The following ANXA8 variants were observed in gnomAD, a reference collection of about 807,000 sequenced individuals.
ANXA8 encodes annexin A8.
In ANXA8, 9 loss-of-function variants were observed where a neutral mutation model predicts 26.8. The ratio of observed to expected loss-of-function variants is 0.34; its 90% confidence interval spans 0.20 to 0.59. ANXA8 has a LOEUF of 0.59. Ranked by LOEUF, ANXA8 falls within the 20% of genes least tolerant of loss-of-function variation. The pLI is 0.84. For missense variants in ANXA8, 83 were observed against 238.5 expected, an observed-to-expected ratio of 0.35 and a Z score of 4.29; for synonymous variants, 39 against 94.8, an observed-to-expected ratio of 0.41 and a Z score of 3.42.
the ANXA8 span, among the ~76,000 whole-genome samples, chr10:47,660,967 T>C: frequency 3.3e-5 from 5 of 151,744 alleles, no homozygotes; most frequent in African/African-American, 9.7e-5. Flanking sequence ...CTCTCCTGTA[T>C]TAAAATTTAA....
the ANXA8 span, among the ~76,000 whole-genome samples, chr10:47,982,027 A>G: frequency 6.7e-6 from 1 of 150,304 alleles, no homozygotes; most frequent in African/African-American, 2.4e-5. Flanking sequence ...AGTGGCTCAC[A>G]CCTGTAATGC....
intron 1 of ANXA8, among the ~76,000 whole-genome samples, chr10:47,483,560 A>C (rs1839924208): frequency 7.2e-6 from 1 of 138,072 alleles, no homozygotes; most frequent in African/African-American, 2.9e-5. Context: ...ACGTGTGTGC[A>C]CCCCATACAC....
the ANXA8 span, among the ~76,000 whole-genome samples, chr10:47,605,825 T>C: frequency 3.5e-5 from 5 of 144,164 alleles, no homozygotes; most frequent in East Asian, 2.0e-4. Context: ...ATAAACATAG[T>C]AGAAATTTAA....
At chr10:47,655,758 T>C in the ANXA8 span, among the ~76,000 whole-genome samples, 1 of 151,964 alleles carries the variant, frequency 6.6e-6, no homozygotes, top group African/African-American at 2.4e-5. Context: ...AGGTGGCTCA[T>C]GCCTGTAATC....
the ANXA8 span, among the ~76,000 whole-genome samples, chr10:47,492,622 G>A: frequency 1.4e-5 from 2 of 141,802 alleles, no homozygotes; most frequent in African/African-American, 2.7e-5. Flanking sequence ...TGGGCATAGC[G>A]TGCCTTCTTG....
At chr10:47,896,079 C>T in the ANXA8 span, among the ~76,000 whole-genome samples, 1 of 150,382 alleles carries the variant, frequency 6.6e-6, no homozygotes, top group Non-Finnish European at 1.5e-5. Context: ...GAATATGAGA[C>T]AAAATACTAC....
the ANXA8 span, among the ~76,000 whole-genome samples, chr10:47,951,562 C>T: frequency 1.3e-4 from 20 of 150,624 alleles, no homozygotes; most frequent in Non-Finnish European, 2.8e-4. Context: ...GTAATCCCAG[C>T]ACTTTGAGAG....
chr10:47,554,751 C>T, the ANXA8 span, among the ~76,000 whole-genome samples: 1 of 152,028 alleles, frequency 6.6e-6, no homozygotes, highest in African/African-American at 2.4e-5. Flanking sequence ...CCAGCAGCCC[C>T]CAGGTATTCA....
the ANXA8 span, among the ~76,000 whole-genome samples, chr10:47,683,310 G>T: frequency 1.4e-5 from 2 of 142,528 alleles, no homozygotes; most frequent in Non-Finnish European, 3.0e-5. Flanking sequence ...CTCACTGCAA[G>T]CTCCGCCTCC....
chr10:47,980,964 T>C, the ANXA8 span, among the ~76,000 whole-genome samples: 44 of 151,344 alleles, frequency 2.9e-4, no homozygotes, highest in African/African-American at 1.0e-3. Context: ...ACTCATTCTA[T>C]GATGTCATTA....
At chr10:47,766,921 G>T in the ANXA8 span, among the ~76,000 whole-genome samples, 1 of 152,006 alleles carries the variant, frequency 6.6e-6, no homozygotes, top group East Asian at 1.9e-4. Context: ...TCATGGCCAA[G>T]CGGAAGTTGT....
the ANXA8 span, among the ~76,000 whole-genome samples, chr10:47,945,002 C>A: frequency 6.7e-6 from 1 of 150,228 alleles, no homozygotes; most frequent in African/African-American, 2.5e-5. Flanking sequence ...TCTGCAGTTT[C>A]CTCTGCCTGG....
At chr10:47,555,521 C>G in the ANXA8 span, among the ~76,000 whole-genome samples, 3 of 151,978 alleles carry the variant, frequency 2.0e-5, no homozygotes, top group African/African-American at 7.3e-5. Context: ...TGTGGCTTCT[C>G]TTTCCTAATC....
the ANXA8 span, among the ~76,000 whole-genome samples, chr10:47,603,587 C>T: frequency 3.4e-5 from 5 of 147,722 alleles, no homozygotes; most frequent in East Asian, 9.7e-4. Context: ...TCTCAGCTCA[C>T]TACAACCTCC....
the ANXA8 span, among the ~76,000 whole-genome samples, chr10:47,714,008 T>C: frequency 4.1e-5 from 1 of 24,478 alleles, no homozygotes; most frequent in African/African-American, 1.8e-4. Context: ...CAATGGCATA[T>C]TATGTAATAT....
chr10:47,660,081 T>C, the ANXA8 span, among the ~76,000 whole-genome samples: 2 of 147,324 alleles, frequency 1.4e-5, no homozygotes, highest in African/African-American at 5.2e-5. Context: ...AATGTAATAG[T>C]GTTGTGACCT....
At chr10:47,925,458 CGAT>C in the ANXA8 span, among the ~76,000 whole-genome samples, 1 of 134,132 alleles carries the variant, frequency 7.5e-6, no homozygotes, top group Non-Finnish European at 1.6e-5. Context: ...TTATTAGTCT[CGAT>C]GGTGCCAAGA....
the ANXA8 span, among the ~76,000 whole-genome samples, chr10:47,948,088 C>T: frequency 2.0e-5 from 3 of 149,060 alleles, no homozygotes; most frequent in Admixed American, 1.3e-4. Flanking sequence ...TAACCCCTTT[C>T]CTTCAGTCAA....
At chr10:47,673,615 C>T in the ANXA8 span, among the ~76,000 whole-genome samples, 1 of 151,636 alleles carries the variant, frequency 6.6e-6, no homozygotes, top group Non-Finnish European at 1.5e-5. Flanking sequence ...AAACCAAACT[C>T]TGACCGTGGC....
Sources: gnomAD v4.1 joint callset for allele counts (sites outside exome capture counted in the v4.1 genomes callset) on GRCh38, gnomAD v4.1.1 for gene constraint, MANE v1.5 for transcripts, NCBI Gene and HGNC (gene_info 2026-07-23, HGNC 2026-07-21) for gene names.